The following SSH2 variants were observed in gnomAD, a reference collection of about 807,000 sequenced individuals.
The protein encoded by SSH2 is protein phosphatase Slingshot homolog 2.
A neutral mutation model predicts 135.2 loss-of-function variants in SSH2; 37 were observed. The observed-to-expected ratio is 0.27, with a 90% CI of 0.21 to 0.36. The LOEUF is 0.36. Ranked by LOEUF, SSH2 falls within the 10% of genes least tolerant of loss-of-function variation. SSH2 has a pLI of 1.00. For missense variants in SSH2, 1,408 were observed against 1,765.3 expected, an observed-to-expected ratio of 0.80 and a Z score of 3.63; for synonymous variants, 628 against 646.2, an observed-to-expected ratio of 0.97 and a Z score of 0.43.
At chr17:29,892,338 G>C (rs966164616) in intron 1 of SSH2, among the ~76,000 whole-genome samples, 7 of 151,762 alleles carry the variant, frequency 4.6e-5, no homozygotes, top group African/African-American at 1.7e-4. Context: ...TTTATAAACT[G>C]CTTCCCTGGT....
intron 3 of SSH2, among the ~76,000 whole-genome samples, chr17:29,759,311 T>C (rs1269319212): frequency 1.3e-5 from 2 of 152,190 alleles, no homozygotes; most frequent in African/African-American, 4.8e-5. Flanking sequence ...GCTGGGACTA[T>C]AGGTGTGAGC....
At chr17:29,774,838 C>T (rs1370545995) in intron 3 of SSH2, among the ~76,000 whole-genome samples, 1 of 152,154 alleles carries the variant, frequency 6.6e-6, no homozygotes, top group Non-Finnish European at 1.5e-5. Context: ...AGAAGATCAA[C>T]ATTGCCAACT....
At chr17:29,710,642 G>A (rs980437118) in intron 3 of SSH2, among the ~76,000 whole-genome samples, 1 of 152,172 alleles carries the variant, frequency 6.6e-6, no homozygotes, top group Non-Finnish European at 1.5e-5. Flanking sequence ...CACTTGGTGT[G>A]ACCACACCAC....
chr17:29,710,735 T>C (rs1163780092), intron 3 of SSH2, among the ~76,000 whole-genome samples: 1 of 152,152 alleles, frequency 6.6e-6, no homozygotes, highest in Non-Finnish European at 1.5e-5. Flanking sequence ...TAATGCCTAA[T>C]GAAAAAATCT....
chr17:29,708,410 A>G (rs1414180370), intron 3 of SSH2, among the ~76,000 whole-genome samples: 5 of 152,114 alleles, frequency 3.3e-5, no homozygotes, highest in Non-Finnish European at 5.9e-5. Flanking sequence ...CAACATGGCG[A>G]AACCCCATCT....
chr17:29,649,608 A>T (rs1434338700), intron 13 of SSH2, among the ~76,000 whole-genome samples: 4 of 151,278 alleles, frequency 2.6e-5, no homozygotes, highest in African/African-American at 7.3e-5. Flanking sequence ...CTAATCTTGA[A>T]CTCCTGGGCT....
At chr17:29,730,116 T>G (rs2040129980) in intron 3 of SSH2, among the ~76,000 whole-genome samples, 1 of 151,324 alleles carries the variant, frequency 6.6e-6, no homozygotes, top group African/African-American at 2.4e-5. Flanking sequence ...AGCTCAGGAG[T>G]TCGAAACCAG....
At position 29,630,480 on chromosome 17, in the gene SSH2, C is replaced by A; in HGVS notation, c.*361G>T. The A allele has an allele frequency of 6.2e-6, 1 of 162,194 alleles. No homozygotes were observed. Among genetic ancestry groups the A allele is most frequent in the Non-Finnish European group, 1.3e-5 (1 of 74,602 alleles). 10.0% of individuals were successfully genotyped at this position (162,194 alleles called of 1,614,324 possible). On this transcript the variant is annotated 3_prime_UTR_variant, in exon 16 of 16. Coordinates refer to ENST00000540801, the MANE Select transcript of SSH2 (RefSeq NM_001282129.2). ...CTTTATCTCCACCCCTCCGAATCTG[C>A]TTCCTTCCCTCAATTAAGAAACCAT...
At chr17:29,675,317 C>T (rs2037660422) in intron 8 of SSH2, among the ~76,000 whole-genome samples, 3 of 152,132 alleles carry the variant, frequency 2.0e-5, no homozygotes, top group Admixed American at 1.3e-4. Flanking sequence ...GGGTCTTTTT[C>T]AGGCTCTTTT....
intron 3 of SSH2, among the ~76,000 whole-genome samples, chr17:29,756,428 ACCTGCCTGCCTG>A (rs914800723): frequency 7.9e-5 from 12 of 150,986 alleles, no homozygotes; most frequent in Non-Finnish European, 1.8e-4. Context: ...GAACCACTAC[ACCTGCCTGCCTG>A]CCTGCCTGCC....
chr17:29,691,267 T>C (rs2038461048), intron 5 of SSH2, among the ~76,000 whole-genome samples: 1 of 152,378 alleles, frequency 6.6e-6, no homozygotes, highest in Admixed American at 6.5e-5. Context: ...TCAGCTTTAG[T>C]TAAGAACATC....
At chr17:29,640,317 C>T (rs967435513) in intron 14 of SSH2, among the ~76,000 whole-genome samples, 14 of 151,818 alleles carry the variant, frequency 9.2e-5, no homozygotes, top group African/African-American at 3.4e-4. Context: ...ACCTCGTGAT[C>T]CGCTTGCCTC....
At chr17:29,793,219 T>C (rs1361833409) in intron 3 of SSH2, among the ~76,000 whole-genome samples, 1 of 152,184 alleles carries the variant, frequency 6.6e-6, no homozygotes, top group African/African-American at 2.4e-5. Context: ...ACAATTGTTT[T>C]CTTTTAATGT....
At position 29,781,851 on chromosome 17, in the gene SSH2, T is replaced by G. The variant is rs187909718; in HGVS notation, c.188+12043A>C. ...TTCTCTCTCTCCTCTCTCTCTCTCT[T>G]TCTTTCTTAACAGAGCCTCGCTTTG... is the stretch of plus-strand genomic sequence containing the variant. On this transcript the variant is annotated intron_variant, in intron 3 of 15. Coordinates refer to ENST00000540801, the MANE Select transcript of SSH2 (RefSeq NM_001282129.2). Among the ~76,000 whole-genome samples the G allele has an allele frequency of 9.0e-4, 136 of 151,616 alleles. 8 individuals are homozygous for G. In the East Asian group the frequency reaches 0.018, roughly 20 times the overall value.
intron 1 of SSH2, among the ~76,000 whole-genome samples, chr17:29,853,292 G>A (rs569972301): frequency 3.3e-5 from 5 of 151,132 alleles, no homozygotes; most frequent in African/African-American, 1.2e-4. Flanking sequence ...TCACCATGTT[G>A]ACAAGGATGG....
Position 29,761,024 on chromosome 17 carries a change from C to T in SSH2, c.188+32870G>A, listed in dbSNP as rs927599263. 81 of 1,027,744 alleles carry T rather than the reference C, an allele frequency of 7.9e-5. No homozygotes were observed. The Middle Eastern group carries it at 1.1e-3, about 14-fold the overall frequency. 63.7% of individuals were successfully genotyped at this position (1,027,744 alleles called of 1,614,324 possible). ...TTCCCTCCAGACGCACGGAGACCTC[C>T]AGGCAAGCAGGATGCGCGCTCGCCC... On this transcript the variant is annotated intron_variant, in intron 3 of 15. Coordinates refer to ENST00000540801, the MANE Select transcript of SSH2 (RefSeq NM_001282129.2).
chr17:29,758,269 C>A (rs1343687788), intron 3 of SSH2, among the ~76,000 whole-genome samples: 2 of 152,262 alleles, frequency 1.3e-5, no homozygotes, highest in East Asian at 1.9e-4. Flanking sequence ...GGCAAAATAT[C>A]ATTTTTATAG....
rs573997150 is a variant in SSH2 at position 29,755,098 on chromosome 17, T to A, written c.188+38796A>T. On this transcript the variant is annotated intron_variant, in intron 3 of 15. Transcript: ENST00000540801. ...ACACCTTGGCTCCTTGCTTAGTGACTACTTCCCAGGGACTGGATAATAGCT... is the reference window on the plus strand; with the variant it reads ...ACACCTTGGCTCCTTGCTTAGTGACAACTTCCCAGGGACTGGATAATAGCT... 5.3e-5 allele frequency among the ~76,000 whole-genome samples: 8 copies of A among 152,364 alleles called. No homozygotes were observed. In the East Asian group the frequency reaches 1.3e-3, roughly 26 times the overall value.
intron 12 of SSH2, among the ~76,000 whole-genome samples, chr17:29,652,758 A>G (rs1187417122): frequency 6.6e-6 from 1 of 152,106 alleles, no homozygotes; most frequent in Non-Finnish European, 1.5e-5. Flanking sequence ...TCCCCGTTCA[A>G]GCAATTCTCC....
Sources: allele counts gnomAD v4.1 joint callset (sites outside exome capture counted in the v4.1 genomes callset), GRCh38; gene constraint gnomAD v4.1.1; transcripts MANE v1.5; gene names NCBI Gene and HGNC (gene_info 2026-07-23, HGNC 2026-07-21).